TBC1D22A: variants seen among roughly 807,000 people sequenced by gnomAD.
The protein encoded by TBC1D22A is putative GTPase activator.
TBC1D22A carries 38 observed loss-of-function variants against 60.2 expected under a neutral mutation model. That is an observed-to-expected ratio of 0.63 (90% CI 0.49 to 0.83). The LOEUF (loss-of-function observed/expected upper bound fraction) is 0.83. TBC1D22A is among the 40% of genes least tolerant of loss of function. The probability of loss-of-function intolerance (pLI) is 0.00; values close to 1 mark genes in which losing one functional copy is unlikely to be tolerated. For synonymous variants in TBC1D22A, 302 were observed against 281.7 expected (o/e 1.07, Z -0.72); for missense variants, 628 against 701.0 (o/e 0.90, Z 1.18).
chr22:46,953,803 C>T (rs1020353168), intron 8 of TBC1D22A, among the ~76,000 whole-genome samples: 1 of 152,188 alleles, frequency 6.6e-6, no homozygotes, highest in Non-Finnish European at 1.5e-5. Context: ...TTAACATTGA[C>T]TGAGTATTTA....
At position 47,108,961 on chromosome 22, in the gene TBC1D22A, C is replaced by T. The variant is rs377089579; in HGVS notation, c.1330-2547C>T. ...CCGCCCGCTTCGGCCTTTCAAAGTG[C>T]TGGAATTACAGGCGTGAGCCACTGC... On this transcript the variant is annotated intron_variant, in intron 11 of 12. Transcript: ENST00000337137. Among the ~76,000 whole-genome samples, 12 of 152,226 alleles carry T rather than the reference C, an allele frequency of 7.9e-5. No homozygotes were observed. The South Asian group carries it at 1.2e-3, about 16-fold the overall frequency.
At chr22:47,165,105 G>A (rs1283655258) in intron 12 of TBC1D22A, among the ~76,000 whole-genome samples, 1 of 152,146 alleles carries the variant, frequency 6.6e-6, no homozygotes, top group East Asian at 1.9e-4. Flanking sequence ...TTCTTGTTCT[G>A]GCCTCAGCCC....
intron 4 of TBC1D22A, among the ~76,000 whole-genome samples, chr22:46,865,618 C>T (rs2067013807): frequency 6.6e-6 from 1 of 152,182 alleles, no homozygotes; most frequent in African/African-American, 2.4e-5. Context: ...CTTCCAGCCC[C>T]TTCAGCTGTG....
intron 12 of TBC1D22A, among the ~76,000 whole-genome samples, chr22:47,163,309 C>T (rs2068071704): frequency 6.6e-6 from 1 of 152,270 alleles, no homozygotes; most frequent in African/African-American, 2.4e-5. Context: ...CACTCATCCT[C>T]ATCCTCTCTG....
chr22:46,971,909 TGGA>T (rs1277824875), intron 8 of TBC1D22A, among the ~76,000 whole-genome samples: 1 of 152,160 alleles, frequency 6.6e-6, no homozygotes, highest in African/African-American at 2.4e-5. Context: ...TGCCACTTGC[TGGA>T]GGGAGAGCCT....
At chr22:46,812,609 C>T (rs59800086) in intron 4 of TBC1D22A, among the ~76,000 whole-genome samples, 2,749 of 152,218 alleles carry the variant, frequency 0.018, 85 homozygotes, top group African/African-American at 0.063. Context: ...TGGTTTAGCT[C>T]GATGGGGGTT....
intron 12 of TBC1D22A, among the ~76,000 whole-genome samples, chr22:47,171,387 C>T (rs889017664): frequency 3.3e-5 from 5 of 152,256 alleles, no homozygotes; most frequent in Non-Finnish European, 5.9e-5. Flanking sequence ...GATCCAGCTT[C>T]TGTTTGGGGT....
intron 4 of TBC1D22A, among the ~76,000 whole-genome samples, chr22:46,808,923 C>G (rs1320474241): frequency 6.6e-6 from 1 of 152,192 alleles, no homozygotes; most frequent in Non-Finnish European, 1.5e-5. Flanking sequence ...TTCATATAAA[C>G]TATTGGAGGC....
chr22:46,786,629 C>T (rs1286991636), intron 1 of TBC1D22A, among the ~76,000 whole-genome samples: 2 of 152,166 alleles, frequency 1.3e-5, no homozygotes, highest in African/African-American at 2.4e-5. Context: ...CAGTGAATCC[C>T]TCTGGGCTTG....
intron 1 of TBC1D22A, among the ~76,000 whole-genome samples, chr22:46,765,188 G>A (rs2083241354): frequency 6.6e-6 from 1 of 152,226 alleles, no homozygotes; most frequent in Non-Finnish European, 1.5e-5. Context: ...GCACCAGGAA[G>A]GCCTGTGAAG....
intron 4 of TBC1D22A, among the ~76,000 whole-genome samples, chr22:46,876,986 C>A (rs185515715): frequency 1.6e-4 from 25 of 152,344 alleles, no homozygotes; most frequent in South Asian, 4.1e-4. Flanking sequence ...CTGTATTATT[C>A]TTTGAATATC....
chr22:46,974,882 A>G (rs1386106500), intron 9 of TBC1D22A, among the ~76,000 whole-genome samples: 1 of 152,198 alleles, frequency 6.6e-6, no homozygotes, highest in Non-Finnish European at 1.5e-5. Flanking sequence ...AGAGAGCAAC[A>G]CGAGCTGGTG....
At chr22:46,766,110 G>T (rs1001526705) in intron 1 of TBC1D22A, among the ~76,000 whole-genome samples, 8 of 151,918 alleles carry the variant, frequency 5.3e-5, no homozygotes, top group African/African-American at 1.7e-4. Flanking sequence ...CCATTTTCCT[G>T]CCTCAGCCTC....
chr22:46,841,073 T>TGTGTGAGTGA (rs35099198), intron 4 of TBC1D22A, among the ~76,000 whole-genome samples: 1 of 148,568 alleles, frequency 6.7e-6, no homozygotes, highest in Non-Finnish European at 1.5e-5. Flanking sequence ...TGTGTGTGTG[T>TGTGTGAGTGA]GAGAGAGAGA....
chr22:47,128,099 A>ACC, intron 12 of TBC1D22A, among the ~76,000 whole-genome samples: 1 of 3,550 alleles, frequency 2.8e-4, no homozygotes, highest in South Asian at 0.042. Context: ...CCTCCACCCC[A>ACC]CACATCCCCC....
rs997923698 is a variant in TBC1D22A at position 47,016,174 on chromosome 22, G to A, written c.1201+18465G>A. On this transcript the variant is annotated intron_variant, in intron 10 of 12. Coordinates refer to ENST00000337137, the MANE Select transcript of TBC1D22A (RefSeq NM_014346.5). ...AGAAGCTTTTACAGTGGGCACTGGC[G>A]CCCTGAACTCCTGAGTGCACCCCCT... Among the ~76,000 whole-genome samples the A allele has an allele frequency of 7.2e-5, 11 of 152,276 alleles. 1 individual carries two copies. Among genetic ancestry groups the A allele is most frequent in the East Asian group, 1.9e-4 (1 of 5,180 alleles).
At chr22:47,138,973 G>A (rs554063700) in intron 12 of TBC1D22A, among the ~76,000 whole-genome samples, 1 of 152,306 alleles carries the variant, frequency 6.6e-6, no homozygotes, top group African/African-American at 2.4e-5. Context: ...TTAACCGATG[G>A]ATTGGGGGAA....
At chr22:47,128,081 T>TCATCCTCCCTCCACCCCACACATCCCC (rs2066538278) in intron 12 of TBC1D22A, among the ~76,000 whole-genome samples, 4 of 6,648 alleles carry the variant, frequency 6.0e-4, no homozygotes, top group Admixed American at 1.6e-3. Flanking sequence ...CACCCATCCC[T>TCATCCTCCCTCCACCCCACACATCCCC]CATCCTCCCT....
chr22:47,137,562 C>T (rs1438436935), intron 12 of TBC1D22A, among the ~76,000 whole-genome samples: 1 of 152,220 alleles, frequency 6.6e-6, no homozygotes, highest in Middle Eastern at 3.2e-3. Flanking sequence ...CAAAGCCCCA[C>T]ATTCTGTGCC....
Sources: allele counts gnomAD v4.1 joint callset (sites outside exome capture counted in the v4.1 genomes callset), GRCh38; gene constraint gnomAD v4.1.1; transcripts MANE v1.5; gene names NCBI Gene and HGNC (gene_info 2026-07-23, HGNC 2026-07-21).